Variants in SVOPL observed in about 807,000 individuals in gnomAD.
SVOPL encodes SVOP like, also known as putative transporter SVOPL.
SVOPL carries 60 observed loss-of-function variants against 61.0 expected under a neutral mutation model. The ratio of observed to expected loss-of-function variants is 0.98; its 90% CI spans 0.80 to 1.22. The LOEUF (loss-of-function observed/expected upper bound fraction) is 1.22, where lower values mean the gene tolerates loss of function less well. SVOPL is among the 50% of genes most tolerant of loss of function. SVOPL has a pLI of 0.00. For synonymous variants in SVOPL, 279 were observed against 250.0 expected, an observed-to-expected ratio of 1.12 and a Z score of -1.09; for missense variants, 662 against 643.9, an observed-to-expected ratio of 1.03 and a Z score of -0.30.
chr7:138,617,000 G>A (rs567214478), intron 14 of SVOPL, among the ~76,000 whole-genome samples: 60 of 152,150 alleles, frequency 3.9e-4, no homozygotes, highest in Non-Finnish European at 2.1e-4. Context: ...ACAGAGTCTC[G>A]CTTTGTCATC....
chr7:138,700,703 T>TGGAC (rs1279369701), intron 1 of SVOPL, among the ~76,000 whole-genome samples: 2 of 149,278 alleles, frequency 1.3e-5, no homozygotes, highest in Admixed American at 6.7e-5. Flanking sequence ...GATGGATGGA[T>TGGAC]GGATGGATGG....
In SVOPL at chr7:138,694,358, C is replaced by T. The variant is rs141834670; in HGVS notation, c.-35+6820G>A. On this transcript the variant is annotated intron_variant, in intron 1 of 15. Transcript: ENST00000674285. The stretch of plus-strand genomic sequence containing the variant: ...CTCCTGGGTTCAAGTGATTCTCCTG[C>T]CTCAGCCTCCCCAGTAGCTGGGATT... Among the ~76,000 whole-genome samples the T allele has an allele frequency of 3.7e-3, 568 of 152,250 alleles. 2 individuals carry two copies. The highest frequency in any genetic ancestry group is 0.013 in the African/African-American group (549 of 41,548).
At chr7:138,692,517 ACAT>A (rs1007563086) in intron 1 of SVOPL, among the ~76,000 whole-genome samples, 1 of 152,222 alleles carries the variant, frequency 6.6e-6, no homozygotes, top group African/African-American at 2.4e-5. Flanking sequence ...ACAAAAGTCA[ACAT>A]AATAGCATTG....
At chr7:138,621,636 T>C (rs1799566424) in intron 13 of SVOPL, among the ~76,000 whole-genome samples, 1 of 152,236 alleles carries the variant, frequency 6.6e-6, no homozygotes, top group Non-Finnish European at 1.5e-5. Context: ...TTGGCCATGC[T>C]GGTCTTGAAC....
At chr7:138,607,627 A>G (rs932700245) in intron 14 of SVOPL, among the ~76,000 whole-genome samples, 3 of 152,134 alleles carry the variant, frequency 2.0e-5, no homozygotes, top group Non-Finnish European at 2.9e-5. Flanking sequence ...TGGAGTAGAG[A>G]TGGCTGCAGC....
intron 7 of SVOPL, 58 bp from the exon 8 acceptor site, chr7:138,649,195 A>G: frequency 6.5e-7 from 1 of 1,536,580 alleles, no homozygotes; most frequent in Non-Finnish European, 8.7e-7. Flanking sequence ...AATGAAAAAA[A>G]AAAAGGAAAA....
chr7:138,662,379 G>T, intron 5 of SVOPL: 1 of 985,404 alleles, frequency 1.0e-6, no homozygotes, highest in Non-Finnish European at 1.2e-6. Context: ...GTGCCTGAGG[G>T]TGAGTTTTCT....
At chr7:138,624,319 A>C (rs1425983998) in intron 13 of SVOPL, among the ~76,000 whole-genome samples, 3 of 152,186 alleles carry the variant, frequency 2.0e-5, no homozygotes, top group African/African-American at 7.2e-5. Flanking sequence ...TCTCCTTTTA[A>C]TATGGATATA....
intron 5 of SVOPL, chr7:138,662,505 G>C (rs1048825261): frequency 1.0e-6 from 1 of 985,450 alleles, no homozygotes; most frequent in Admixed American, 6.1e-5. Flanking sequence ...AGCTTCTTCT[G>C]AGCTTGCTGT....
chr7:138,644,671 C>T, intron 9 of SVOPL, 46 bp downstream of exon 9: 3 of 1,601,572 alleles, frequency 1.9e-6, no homozygotes, highest in Non-Finnish European at 2.6e-6. Context: ...GGGGATTTCC[C>T]AGTGGCCACT....
intron 1 of SVOPL, among the ~76,000 whole-genome samples, chr7:138,699,971 A>G (rs535744998): frequency 6.6e-5 from 10 of 152,312 alleles, no homozygotes; most frequent in Non-Finnish European, 1.5e-4. Flanking sequence ...TTCCCACCCT[A>G]TTAGGATACA....
intron 5 of SVOPL, chr7:138,662,762 A>G (rs1584852408): frequency 1.7e-6 from 2 of 1,154,734 alleles, no homozygotes; most frequent in East Asian, 1.0e-4. Context: ...CCAACCTTTA[A>G]AAGTTCAAAT....
At chr7:138,666,492 G>A (rs572374171) in intron 4 of SVOPL, among the ~76,000 whole-genome samples, 83 of 152,222 alleles carry the variant, frequency 5.5e-4, no homozygotes, top group South Asian at 5.0e-3. Context: ...AGAAACAAAC[G>A]TTATCTCCAG....
intron 14 of SVOPL, among the ~76,000 whole-genome samples, chr7:138,604,888 G>A (rs1798685273): frequency 2.6e-5 from 4 of 151,826 alleles, no homozygotes; most frequent in Admixed American, 6.6e-5. Flanking sequence ...AATAAACCTA[G>A]TTAGAAATTA....
At chr7:138,686,630 G>T (rs1296992224) in intron 1 of SVOPL, among the ~76,000 whole-genome samples, 1 of 125,728 alleles carries the variant, frequency 8.0e-6, no homozygotes, top group Non-Finnish European at 1.6e-5. Flanking sequence ...CAATGGCGTG[G>T]TCCTGGCTCA....
chr7:138,634,630 A>G (rs905310774), intron 9 of SVOPL, among the ~76,000 whole-genome samples: 5 of 152,046 alleles, frequency 3.3e-5, no homozygotes, highest in African/African-American at 7.2e-5. Flanking sequence ...CTTGGATGAC[A>G]GAACGAGACC....
At chr7:138,666,388 CTT>C (rs913515722) in intron 4 of SVOPL, among the ~76,000 whole-genome samples, 1 of 152,122 alleles carries the variant, frequency 6.6e-6, no homozygotes, top group South Asian at 2.1e-4. Context: ...TAAGTAAAAA[CTT>C]TGTTTTATTT....
intron 1 of SVOPL, among the ~76,000 whole-genome samples, chr7:138,683,897 C>A (rs1288168734): frequency 6.7e-6 from 1 of 150,260 alleles, no homozygotes; most frequent in Non-Finnish European, 1.5e-5. Flanking sequence ...ATTAAAAATA[C>A]AAAAATTAGC....
intron 14 of SVOPL, among the ~76,000 whole-genome samples, chr7:138,609,727 G>C (rs78912021): frequency 1.4e-5 from 2 of 147,040 alleles, no homozygotes; most frequent in African/African-American, 5.1e-5. Context: ...TTTGGGGGGG[G>C]TGGGGGCGTT....
Sources: gnomAD v4.1 joint callset for allele counts (sites outside exome capture counted in the v4.1 genomes callset) on GRCh38, gnomAD v4.1.1 for gene constraint, MANE v1.5 for transcripts, NCBI Gene and HGNC (gene_info 2026-07-23, HGNC 2026-07-21) for gene names.